SIPA1L3: variants seen among roughly 807,000 people sequenced by gnomAD.
SIPA1L3 encodes signal-induced proliferation-associated 1-like protein 3.
In SIPA1L3, 59 loss-of-function variants were observed where a neutral mutation model predicts 150.1. The ratio of observed to expected loss-of-function variants is 0.39; its 90% confidence interval spans 0.32 to 0.49. SIPA1L3 has a LOEUF of 0.49. SIPA1L3 is among the 20% of genes least tolerant of loss of function. The pLI is 0.86. For missense variants in SIPA1L3, 2,211 were observed against 2,489.5 expected, an observed-to-expected ratio of 0.89 and a Z score of 2.38; for synonymous variants, 1,070 against 1,077.6, an observed-to-expected ratio of 0.99 and a Z score of 0.14.
chr19:38,181,537 G>C (rs184880489), intron 15 of SIPA1L3, among the ~76,000 whole-genome samples: 1 of 151,314 alleles, frequency 6.6e-6, no homozygotes, highest in African/African-American at 2.4e-5. Context: ...ATACACATGC[G>C]TATGTTTTTG....
chr19:38,124,995 A>AGAAAGGGAGAGGGAGACCGTGGGGAGAGG (rs1971138493), intron 9 of SIPA1L3, among the ~76,000 whole-genome samples: 3 of 103,118 alleles, frequency 2.9e-5, no homozygotes, highest in South Asian at 3.4e-4. Context: ...GACTGTGGAA[A>AGAAAGGGAGAGGGAGACCGTGGGGAGAGG]GAGAGGGAGA....
At chr19:37,949,440 C>T (rs1243866466) in intron 1 of SIPA1L3, among the ~76,000 whole-genome samples, 13 of 152,060 alleles carry the variant, frequency 8.5e-5, no homozygotes, top group African/African-American at 1.7e-4. Flanking sequence ...CTGAGGTGGG[C>T]GGCTAACCTG....
At chr19:38,149,767 G>T (rs368672122) in intron 12 of SIPA1L3, among the ~76,000 whole-genome samples, 1 of 152,132 alleles carries the variant, frequency 6.6e-6, no homozygotes, top group African/African-American at 2.4e-5. Context: ...TATCTCATTG[G>T]CCAGAGCTGC....
intron 6 of SIPA1L3, among the ~76,000 whole-genome samples, chr19:38,102,074 T>C (rs1364684684): frequency 6.7e-6 from 1 of 149,414 alleles, no homozygotes; most frequent in Non-Finnish European, 1.5e-5. Flanking sequence ...TTTGAAACAG[T>C]CTGCCTCTAT....
At chr19:38,043,178 A>G (rs1968965210) in intron 2 of SIPA1L3, among the ~76,000 whole-genome samples, 2 of 152,122 alleles carry the variant, frequency 1.3e-5, no homozygotes, top group Admixed American at 6.5e-5. Context: ...CATCTCTACT[A>G]AAAATACAAA....
At chr19:37,922,085 T>C (rs1445768722) in intron 1 of SIPA1L3, among the ~76,000 whole-genome samples, 1 of 152,120 alleles carries the variant, frequency 6.6e-6, no homozygotes, top group Non-Finnish European at 1.5e-5. Flanking sequence ...ATGGCGTGTC[T>C]GATTTTTTTT....
intron 12 of SIPA1L3, among the ~76,000 whole-genome samples, chr19:38,150,548 T>C (rs1971796574): frequency 6.7e-6 from 1 of 149,134 alleles, no homozygotes; most frequent in African/African-American, 2.5e-5. Context: ...TTTTTTTTTT[T>C]TTGAAATGGA....
At chr19:38,051,728 C>T (rs555771206) in intron 2 of SIPA1L3, among the ~76,000 whole-genome samples, 85 of 152,264 alleles carry the variant, frequency 5.6e-4, no homozygotes, top group African/African-American at 1.9e-3. Flanking sequence ...TCCTGAGTAG[C>T]TGGGACCACA....
At position 37,963,363 on chromosome 19, in the gene SIPA1L3, C is replaced by G. The variant is rs538947276; in HGVS notation, c.-379+56005C>G. Among the ~76,000 whole-genome samples the G allele has an allele frequency of 3.2e-3, 489 of 152,330 alleles. 3 individuals are homozygous for G. The highest frequency in any genetic ancestry group is 4.4e-3 in the Non-Finnish European group (298 of 68,028). On this transcript the variant is annotated intron_variant, in intron 1 of 21. Coordinates refer to ENST00000222345, the MANE Select transcript of SIPA1L3 (RefSeq NM_015073.3). ...AGGGCTGCATGGGACCTTACCAAGG[C>G]CTTGTGTGGCTATCTCATTCCCTGG... is the stretch of plus-strand genomic sequence containing the variant.
chr19:38,032,665 G>A (rs975762706), intron 2 of SIPA1L3, among the ~76,000 whole-genome samples: 13 of 151,904 alleles, frequency 8.6e-5, no homozygotes, highest in South Asian at 2.1e-4. Flanking sequence ...CATGGTGGCC[G>A]TCTCTACTAA....
At chr19:38,025,131 G>A (rs1382177970) in intron 1 of SIPA1L3, among the ~76,000 whole-genome samples, 1 of 152,130 alleles carries the variant, frequency 6.6e-6, no homozygotes, top group Non-Finnish European at 1.5e-5. Context: ...AAATGTCCAG[G>A]GCCCACTCTG....
chr19:37,961,212 A>G (rs1168200144), intron 1 of SIPA1L3, among the ~76,000 whole-genome samples: 1 of 141,646 alleles, frequency 7.1e-6, no homozygotes, highest in Non-Finnish European at 1.5e-5. Context: ...AGTGATGGGG[A>G]TCTCGCTGTG....
chr19:38,124,858 C>T (rs1005905546), intron 9 of SIPA1L3, among the ~76,000 whole-genome samples: 1 of 152,142 alleles, frequency 6.6e-6, no homozygotes, highest in African/African-American at 2.4e-5. Context: ...GAAAACCAGT[C>T]AGGTGTGGCG....
intron 1 of SIPA1L3, chr19:37,908,007 C>G (rs757324020): frequency 2.6e-5 from 4 of 152,186 alleles, no homozygotes; most frequent in Non-Finnish European, 5.9e-5. Context: ...CTTGGTTTCC[C>G]TATCTATAAA....
intron 2 of SIPA1L3, among the ~76,000 whole-genome samples, chr19:38,059,596 G>C (rs946334062): frequency 7.9e-5 from 12 of 152,162 alleles, no homozygotes; most frequent in African/African-American, 2.9e-4. Context: ...AATAACTCAT[G>C]CAATACAAAA....
At chr19:37,975,877 G>C (rs1199574652) in intron 1 of SIPA1L3, among the ~76,000 whole-genome samples, 2 of 152,052 alleles carry the variant, frequency 1.3e-5, no homozygotes, top group Non-Finnish European at 2.9e-5. Context: ...GGCCGAGGCG[G>C]GTAGATCACT....
chr19:38,083,935 G>A (rs1297822652), intron 3 of SIPA1L3, among the ~76,000 whole-genome samples: 1 of 151,480 alleles, frequency 6.6e-6, no homozygotes, highest in African/African-American at 2.4e-5. Context: ...AGATGTTGCG[G>A]TGGGCTGAGA....
At chr19:38,100,420 G>A (rs907119733) in intron 5 of SIPA1L3, among the ~76,000 whole-genome samples, 2 of 152,132 alleles carry the variant, frequency 1.3e-5, no homozygotes, top group Non-Finnish European at 2.9e-5. Flanking sequence ...TCTATAGTGG[G>A]GGGTTAGTGT....
In SIPA1L3 at chr19:38,124,994, A is replaced by T. The variant is rs1210347157; in HGVS notation, c.2868+5112A>T. 1.1e-4 allele frequency among the ~76,000 whole-genome samples: 3 copies of T among 26,678 alleles called. No homozygotes were observed. In the African/African-American group the frequency reaches 1.5e-3, roughly 13 times the overall value. The allele number at this position is 26,678 out of a possible 152,430, so 17.5% of individuals were successfully genotyped here. A position where few individuals can be genotyped will look rare whatever the true frequency, so the allele number is the denominator to read the frequency against. The stretch of plus-strand genomic sequence containing the variant: ...CTCGGGATCAGAGGGAGACTGTGGA[A>T]AGAGAGGGAGAGGGAGACCGTGGGG... On this transcript the variant is annotated intron_variant, in intron 9 of 21. Transcript: ENST00000222345.
Sources: allele counts gnomAD v4.1 joint callset (sites outside exome capture counted in the v4.1 genomes callset), GRCh38; gene constraint gnomAD v4.1.1; transcripts MANE v1.5; gene names NCBI Gene and HGNC (gene_info 2026-07-23, HGNC 2026-07-21).